The following AP3S1 variants were observed in gnomAD, a reference collection of about 807,000 sequenced individuals.
AP3S1 encodes the protein AP-3 complex subunit sigma-1.
AP3S1 carries 12 observed loss-of-function variants against 21.3 expected under a neutral mutation model. The observed-to-expected ratio is 0.56, with a 90% confidence interval of 0.36 to 0.91. AP3S1 has a LOEUF of 0.91. Ranked by LOEUF, AP3S1 falls within the 40% of genes least tolerant of loss-of-function variation. The pLI is 0.01. For synonymous variants in AP3S1, 48 were observed against 78.4 expected (o/e 0.61, Z 2.05); for missense variants, 116 against 225.0 (o/e 0.52, Z 3.10).
At chr5:115,891,369 G>A (rs1750285381) in intron 3 of AP3S1, among the ~76,000 whole-genome samples, 5 of 152,032 alleles carry the variant, frequency 3.3e-5, no homozygotes, top group Non-Finnish European at 5.9e-5. Flanking sequence ...CAGTATCTAC[G>A]TGGGGATAGT....
In AP3S1 at chr5:115,858,578, T is replaced by C. The variant is rs548241635; in HGVS notation, c.70-8092T>C. On this transcript the variant is annotated intron_variant, in intron 1 of 5. Coordinates refer to ENST00000316788, the MANE Select transcript of AP3S1 (RefSeq NM_001284.4). Reference sequence around the variant, plus strand: ...GACCCCTGCTGGAAACATTTCTTCATTTTCTGTTCTCGAGTCTCCTTTTTT... The same window carrying C: ...GACCCCTGCTGGAAACATTTCTTCACTTTCTGTTCTCGAGTCTCCTTTTTT... Among the ~76,000 whole-genome samples the C allele has an allele frequency of 2.6e-5, 4 of 152,186 alleles. No homozygotes were observed. The South Asian group carries it at 8.3e-4, about 32-fold the overall frequency.
chr5:115,844,134 C>T (rs1431262636), intron 1 of AP3S1, among the ~76,000 whole-genome samples: 1 of 152,050 alleles, frequency 6.6e-6, no homozygotes, highest in East Asian at 1.9e-4. Context: ...TTTATTTATA[C>T]ATTTGCTTCC....
At chr5:115,898,594 G>T (rs185249498) in intron 4 of AP3S1, 2 of 152,206 alleles carry the variant, frequency 1.3e-5, no homozygotes, top group Non-Finnish European at 2.9e-5. Flanking sequence ...TGGGGATGGG[G>T]TGTGAGGATT....
chr5:115,888,193 C>A (rs949655204), intron 3 of AP3S1, among the ~76,000 whole-genome samples: 20 of 152,022 alleles, frequency 1.3e-4, no homozygotes, highest in African/African-American at 4.6e-4. Context: ...AACTTTATAT[C>A]ATTTTAAAGT....
intron 5 of AP3S1, chr5:115,908,833 G>A (rs2112590331): frequency 4.0e-6 from 1 of 251,064 alleles, no homozygotes; most frequent in Admixed American, 6.5e-5. Flanking sequence ...TCTACCTCGT[G>A]TTGAGGGATT....
chr5:115,856,704 C>T (rs1762826924), intron 1 of AP3S1, among the ~76,000 whole-genome samples: 4 of 152,166 alleles, frequency 2.6e-5, no homozygotes, highest in African/African-American at 9.7e-5. Flanking sequence ...AAATTCCTGG[C>T]TTCAAGCAAT....
chr5:115,875,366 G>A (rs1424275311), intron 3 of AP3S1, among the ~76,000 whole-genome samples: 3 of 152,258 alleles, frequency 2.0e-5, no homozygotes, highest in African/African-American at 7.2e-5. Context: ...ACTTCTGACC[G>A]ACTGAATATA....
At chr5:115,897,716 C>G (rs1200836350) in intron 4 of AP3S1, among the ~76,000 whole-genome samples, 1 of 151,984 alleles carries the variant, frequency 6.6e-6, no homozygotes, top group Non-Finnish European at 1.5e-5. Flanking sequence ...CCCGCCACCA[C>G]GCCTGGCTAA....
intron 5 of AP3S1, among the ~76,000 whole-genome samples, chr5:115,911,085 A>G (rs781129906): frequency 4.6e-5 from 7 of 152,122 alleles, no homozygotes; most frequent in African/African-American, 7.2e-5. Context: ...ATCAATTGCT[A>G]TATTGACTTT....
At chr5:115,862,192 T>G (rs1265153127) in intron 1 of AP3S1, among the ~76,000 whole-genome samples, 1 of 152,140 alleles carries the variant, frequency 6.6e-6, no homozygotes, top group African/African-American at 2.4e-5. Flanking sequence ...GTTAAGAGAT[T>G]TTTTTTATGT....
intron 3 of AP3S1, among the ~76,000 whole-genome samples, chr5:115,893,546 G>A (rs1399261735): frequency 6.6e-6 from 1 of 152,174 alleles, no homozygotes; most frequent in Non-Finnish European, 1.5e-5. Context: ...CTGGAAGGCT[G>A]GAGTCCCTAA....
At chr5:115,868,100 A>G (rs1380429926) in intron 2 of AP3S1, among the ~76,000 whole-genome samples, 2 of 152,122 alleles carry the variant, frequency 1.3e-5, no homozygotes, top group Non-Finnish European at 2.9e-5. Flanking sequence ...GTTTTATATG[A>G]TGTATTACAT....
At chr5:115,895,200 A>T in intron 4 of AP3S1, 42 bp downstream of exon 4, 3 of 1,356,210 alleles carry the variant, frequency 2.2e-6, no homozygotes, top group Non-Finnish European at 3.1e-6. Flanking sequence ...TAAGAAAAAC[A>T]TTAACTTATA....
chr5:115,853,877 G>A (rs1450596203), intron 1 of AP3S1, among the ~76,000 whole-genome samples: 1 of 152,150 alleles, frequency 6.6e-6, no homozygotes, highest in Non-Finnish European at 1.5e-5. Context: ...TTCAGTAATA[G>A]AGTGTTTGCC....
rs1761893194 is a variant in AP3S1 at position 115,844,257 on chromosome 5, A to G, written c.69+2151A>G. ...CCTACCATGTGCAGGCACTGTTTTA[A>G]AATCTGAAGATGAACAGATAACTTT... is the stretch of plus-strand genomic sequence containing the variant. On this transcript the variant is annotated intron_variant, in intron 1 of 5. Coordinates refer to ENST00000316788, the MANE Select transcript of AP3S1 (RefSeq NM_001284.4). Among the ~76,000 whole-genome samples the G allele has an allele frequency of 1.3e-5, 2 of 152,202 alleles. 1 individual carries two copies. Among genetic ancestry groups the G allele is most frequent in the Non-Finnish European group, 2.9e-5 (2 of 68,040 alleles).
intron 1 of AP3S1, among the ~76,000 whole-genome samples, chr5:115,847,334 A>C (rs1253942020): frequency 6.6e-6 from 1 of 152,214 alleles, no homozygotes; most frequent in African/African-American, 2.4e-5. Context: ...ATTTATTTTT[A>C]TGGCCGGGTA....
chr5:115,902,957 C>A lies in AP3S1; in HGVS notation c.418C>A (p.Gln140Lys), dbSNP rs755011663. 1.2e-6 allele frequency: 2 copies of A among 1,613,536 alleles called. No homozygotes were observed. The highest frequency in any genetic ancestry group is 2.7e-5 in the African/African-American group (2 of 74,882). ...LETNMNEIVT[Q>K]IDAQNKLEKS... ...GACAAATATGAATGAGATTGTTACA[C>A]AAATTGATGCACAAAATAAGCTGGA... is the stretch of plus-strand genomic sequence containing the variant. The change falls in exon 5 of 6, where the codon CAA becomes AAA. Residue 140 changes from glutamine to lysine, a missense_variant. This residue lies in a region of AP3S1 where 65 missense variants were observed against 148.2 expected (regional missense o/e 0.44). Transcript: ENST00000316788.
chr5:115,842,914 C>G (rs1302540792), intron 1 of AP3S1, among the ~76,000 whole-genome samples: 1 of 152,190 alleles, frequency 6.6e-6, no homozygotes, highest in African/African-American at 2.4e-5. Flanking sequence ...TGGCATTTTT[C>G]CACGTATGGG....
chr5:115,888,191 AT>A (rs1374774297), intron 3 of AP3S1, among the ~76,000 whole-genome samples: 1 of 152,082 alleles, frequency 6.6e-6, no homozygotes, highest in Admixed American at 6.5e-5. Context: ...TAAACTTTAT[AT>A]CATTTTAAAG....
Sources: gnomAD v4.1 joint callset for allele counts (sites outside exome capture counted in the v4.1 genomes callset) on GRCh38, gnomAD v4.1.1 for gene constraint, gnomAD v4.1.1 regional missense constraint, MANE v1.5 for transcripts, NCBI Gene and HGNC (gene_info 2026-07-23, HGNC 2026-07-21) for gene names.